The following STRN variants were observed in gnomAD, a reference collection of about 807,000 sequenced individuals.
STRN encodes striatin, also known as protein phosphatase 2 regulatory subunit B'''alpha.
In STRN, 53 loss-of-function variants were observed where a neutral mutation model predicts 96.3. The ratio of observed to expected loss-of-function variants is 0.55; its 90% CI spans 0.44 to 0.69. STRN has a LOEUF of 0.69. Ranked by LOEUF, STRN falls within the 30% of genes least tolerant of loss-of-function variation. The pLI, the probability that STRN is intolerant of heterozygous loss-of-function variation, is 0.00. For missense variants in STRN, 987 were observed against 963.9 expected (o/e 1.02, Z -0.32); for synonymous variants, 428 against 355.9 (o/e 1.20, Z -2.28).
intron 2 of STRN, among the ~76,000 whole-genome samples, chr2:36,922,741 T>A (rs892199141): frequency 2.6e-5 from 4 of 152,172 alleles, no homozygotes; most frequent in African/African-American, 9.6e-5. Flanking sequence ...GTCAAACATG[T>A]TCTCTCTACT....
chr2:36,867,006 G>A (rs962079424), intron 12 of STRN, among the ~76,000 whole-genome samples: 6 of 152,046 alleles, frequency 3.9e-5, no homozygotes, highest in Non-Finnish European at 8.8e-5. Context: ...TTTTAATTGG[G>A]GCATTTAGCC....
In STRN at chr2:36,964,067, T is replaced by C. The variant is rs115055544; in HGVS notation, c.234+2163A>G. On this transcript the variant is annotated intron_variant, in intron 1 of 17. Transcript: ENST00000263918. ...AAAGCTACCTGAAGTTAATAAACAT[T>C]TGCCACAAACAACCCAGGAAGGGGT... is the stretch of plus-strand genomic sequence containing the variant. 8.7e-3 allele frequency among the ~76,000 whole-genome samples: 1,313 copies of C among 151,594 alleles called. 20 individuals carry two copies. Among genetic ancestry groups the C allele is most frequent in the African/African-American group, 0.03 (1,257 of 41,250 alleles).
chr2:36,950,213 GTTT>G (rs745506504), intron 1 of STRN, among the ~76,000 whole-genome samples: 12 of 109,044 alleles, frequency 1.1e-4, no homozygotes, highest in African/African-American at 3.8e-4. Context: ...GTTTGGTTTT[GTTT>G]TTTTTTTTTT....
intron 15 of STRN, among the ~76,000 whole-genome samples, chr2:36,853,132 G>C (rs901407362): frequency 1.3e-5 from 2 of 150,366 alleles, no homozygotes; most frequent in Non-Finnish European, 3.0e-5. Flanking sequence ...ACTCCAGCCT[G>C]GGCAACAGAG....
At chr2:36,893,553 T>C (rs979232781) in intron 7 of STRN, among the ~76,000 whole-genome samples, 4 of 152,330 alleles carry the variant, frequency 2.6e-5, no homozygotes, top group Admixed American at 6.5e-5. Context: ...ATGTCAGCAA[T>C]GAGATCTCCA....
intron 13 of STRN, among the ~76,000 whole-genome samples, chr2:36,860,414 TG>T (rs1668447016): frequency 6.6e-6 from 1 of 152,188 alleles, no homozygotes; most frequent in African/African-American, 2.4e-5. Context: ...AAATAAATGC[TG>T]GGAAAAATTT....
intron 1 of STRN, among the ~76,000 whole-genome samples, chr2:36,927,532 G>A (rs1470945717): frequency 3.4e-5 from 5 of 145,462 alleles, no homozygotes; most frequent in Non-Finnish European, 6.1e-5. Flanking sequence ...AAAGGGGGGG[G>A]GGGGTGGTAA....
At chr2:36,862,117 A>G (rs1486362725) in intron 12 of STRN, among the ~76,000 whole-genome samples, 1 of 152,206 alleles carries the variant, frequency 6.6e-6, no homozygotes, top group Non-Finnish European at 1.5e-5. Context: ...TTATGGGTGC[A>G]TAGTATTCCA....
At chr2:36,960,206 T>A (rs1250695927) in intron 1 of STRN, among the ~76,000 whole-genome samples, 1 of 152,244 alleles carries the variant, frequency 6.6e-6, no homozygotes, top group Non-Finnish European at 1.5e-5. Context: ...TTACCCATGA[T>A]GTAATGCAAA....
intron 6 of STRN, among the ~76,000 whole-genome samples, chr2:36,895,573 T>C (rs1304390201): frequency 6.6e-6 from 1 of 152,008 alleles, no homozygotes; most frequent in Non-Finnish European, 1.5e-5. Context: ...AACCATATTC[T>C]AATAATCTAT....
chr2:36,851,469 C>A (rs563225233), intron 15 of STRN, among the ~76,000 whole-genome samples: 6 of 151,476 alleles, frequency 4.0e-5, no homozygotes, highest in Non-Finnish European at 8.8e-5. Flanking sequence ...GGTGTCAGAG[C>A]GAGACTCCAT....
In STRN at chr2:36,853,284, T is replaced by C. The variant is rs946488359; in HGVS notation, c.1978+1928A>G. Among the ~76,000 whole-genome samples, 5 of 152,202 alleles carry C rather than the reference T, an allele frequency of 3.3e-5. No homozygotes were observed. The East Asian group carries it at 9.6e-4, about 29-fold the overall frequency. ...AAAATTCAGACTACGCATTATTTCC[T>C]CCACAGATAATACTCCATTGAGCAA... On this transcript the variant is annotated intron_variant, in intron 15 of 17. Transcript: ENST00000263918.
At chr2:36,853,029 C>T (rs969729806) in intron 15 of STRN, among the ~76,000 whole-genome samples, 4 of 152,132 alleles carry the variant, frequency 2.6e-5, no homozygotes, top group African/African-American at 9.7e-5. Flanking sequence ...TGGTGGCACA[C>T]GCCTGTGGTC....
intron 10 of STRN, among the ~76,000 whole-genome samples, chr2:36,872,940 C>T (rs976725446): frequency 1.3e-5 from 2 of 152,196 alleles, no homozygotes; most frequent in Non-Finnish European, 2.9e-5. Context: ...CCCAATATTT[C>T]GGCTGTTTTC....
At position 36,884,046 on chromosome 2, in the gene STRN, G is replaced by A; in HGVS notation, c.1072C>T (p.Leu358Phe). 1 of 1,407,170 alleles carries A rather than the reference G, an allele frequency of 7.1e-7. No individual in the cohort carries two copies. The highest frequency in any genetic ancestry group is 9.3e-7 in the Non-Finnish European group (1 of 1,073,264). The allele number at this position is 1,407,170 out of a possible 1,614,324, so 87.2% of individuals were successfully genotyped here. ...TCATCAACATCTCTCAAATTAGCAA[G>A]CATATCTTGTAGTTTTGACCTATTG... ...RPNRSKLQDM[L>F]ANLRDVDELP... Residue 358 changes from leucine to phenylalanine, a missense_variant, in exon 9 of 18, where the codon CTT (leucine) becomes TTT (phenylalanine). Physicochemically the swap from Leu to Phe is conservative, Grantham distance 22. Transcript: ENST00000263918.
chr2:36,876,301 T>C (rs898151023), intron 10 of STRN, among the ~76,000 whole-genome samples: 2 of 151,540 alleles, frequency 1.3e-5, no homozygotes, highest in African/African-American at 4.9e-5. Flanking sequence ...TTTTTGTAAA[T>C]CTGTATCATA....
chr2:36,872,892 G>C (rs752012782), intron 10 of STRN, among the ~76,000 whole-genome samples: 2 of 152,146 alleles, frequency 1.3e-5, no homozygotes, highest in Non-Finnish European at 2.9e-5. Flanking sequence ...AGAAAAACCA[G>C]GCCAAAATCC....
rs768623535 is a variant in STRN, at chr2:36,902,566, T to C, written c.659+18A>G. The C allele has an allele frequency of 1.3e-5, 21 of 1,575,478 alleles. No homozygotes were observed. The South Asian group carries it at 2.5e-4, about 19-fold the overall frequency. On this transcript the variant is annotated intron_variant, in intron 5 of 17. Coordinates refer to ENST00000263918, the MANE Select transcript of STRN (RefSeq NM_003162.4). Reference sequence around the variant, plus strand: ...AGAACTAATAATAGCTAAAACACTTTCCAGACAAAATACTTACGCAATCAT... The same window carrying C: ...AGAACTAATAATAGCTAAAACACTTCCCAGACAAAATACTTACGCAATCAT...
chr2:36,895,906 A>T (rs1330161243), intron 6 of STRN, among the ~76,000 whole-genome samples: 2 of 152,280 alleles, frequency 1.3e-5, no homozygotes, highest in Admixed American at 6.5e-5. Context: ...CCTGGGTGAC[A>T]GTGCGAGACT....
Sources: allele counts gnomAD v4.1 joint callset (sites outside exome capture counted in the v4.1 genomes callset), GRCh38; gene constraint gnomAD v4.1.1; transcripts MANE v1.5; gene names NCBI Gene and HGNC (gene_info 2026-07-23, HGNC 2026-07-21).